The following GHR variants were observed in gnomAD, a reference collection of about 807,000 sequenced individuals.
The protein encoded by GHR is GH receptor.
GHR carries 35 observed loss-of-function variants against 67.1 expected under a neutral mutation model. The ratio of observed to expected loss-of-function variants is 0.52; its 90% CI spans 0.40 to 0.69. The LOEUF (loss-of-function observed/expected upper bound fraction) is 0.69. Among genes scored for constraint, GHR ranks in the 30% least tolerant of loss-of-function variants. The pLI is 0.00. For missense variants in GHR, 792 were observed against 764.6 expected (o/e 1.04, Z -0.42); for synonymous variants, 272 against 269.1 (o/e 1.01, Z -0.10).
Position 42,683,966 on chromosome 5 carries a change from T to C in GHR, c.137-4924T>C, listed in dbSNP as rs149939551. 2.5e-4 allele frequency among the ~76,000 whole-genome samples: 34 copies of C among 135,606 alleles called. 5 individuals carry two copies. Among genetic ancestry groups the C allele is most frequent in the African/African-American group, 1.1e-3 (34 of 31,882 alleles). The allele number at this position is 135,606 out of a possible 152,430, so 89.0% of individuals were successfully genotyped here. On this transcript the variant is annotated intron_variant, in intron 3 of 9. Coordinates refer to ENST00000230882, the MANE Select transcript of GHR (RefSeq NM_000163.5). ...AGATTAGTTATTTTTTCTTTTTAAG[T>C]TTTTTTTTTTGTTTCAGCTGACAAA...
intron 3 of GHR, among the ~76,000 whole-genome samples, chr5:42,652,597 G>A (rs911400989): frequency 2.0e-5 from 3 of 152,072 alleles, no homozygotes; most frequent in Non-Finnish European, 4.4e-5. Context: ...TTCCAGTGTC[G>A]AGACATTCAT....
At chr5:42,679,623 CA>C (rs765140556) in intron 3 of GHR, among the ~76,000 whole-genome samples, 361 of 132,792 alleles carry the variant, frequency 2.7e-3, no homozygotes, top group Admixed American at 2.5e-3. Context: ...GACTGCATCT[CA>C]AAAAAAAAAA....
intron 2 of GHR, among the ~76,000 whole-genome samples, chr5:42,616,655 C>T (rs145233183): frequency 2.8e-5 from 4 of 144,564 alleles, no homozygotes; most frequent in African/African-American, 1.1e-4. Context: ...CCATGAGACT[C>T]GATGAGATTC....
chr5:42,699,697 AT>A, intron 5 of GHR, 126 bp from the exon 6 acceptor site: 2 of 722,114 alleles, frequency 2.8e-6, no homozygotes, highest in South Asian at 3.1e-5. Flanking sequence ...AATAAGAAAA[AT>A]ATTGGAAGAA....
chr5:42,508,158 G>A (rs1281819680), intron 1 of GHR, among the ~76,000 whole-genome samples: 1 of 152,216 alleles, frequency 6.6e-6, no homozygotes, highest in African/African-American at 2.4e-5. Flanking sequence ...TCTGACAGCA[G>A]CCAGGAGAAT....
intron 1 of GHR, among the ~76,000 whole-genome samples, chr5:42,543,919 T>A (rs1489774035): frequency 6.6e-6 from 1 of 152,108 alleles, no homozygotes; most frequent in African/African-American, 2.4e-5. Flanking sequence ...AATTTTTTTT[T>A]TAAAAAAACA....
chr5:42,721,464 T>C lies in GHR; in HGVS notation c.*2040T>C, dbSNP rs938524620. On this transcript the variant is annotated 3_prime_UTR_variant, in exon 10 of 10. Coordinates refer to ENST00000230882, the MANE Select transcript of GHR (RefSeq NM_000163.5). ...CTATGAAAAGCTAGAATTGAGTGTT[T>C]AAAGTTCAACATGTTATTTGTAATA... 6.6e-6 allele frequency: 1 copy of C among 152,540 alleles called. No homozygotes were observed. Among genetic ancestry groups the C allele is most frequent in the South Asian group, 2.1e-4 (1 of 4,824 alleles). The allele number at this position is 152,540 out of a possible 1,614,324, so 9.4% of individuals were successfully genotyped here.
In GHR at chr5:42,599,357, A is replaced by ATTTTT. The variant is rs36037535; in HGVS notation, c.71-29661_71-29657dup. ...GGGCATGTTGTTTGGCCTACAGCAC[A>ATTTTT]TTTTTTTTTTTTTTTTTTTTTTTTG... is the stretch of plus-strand genomic sequence containing the variant. On this transcript the variant is annotated intron_variant, in intron 2 of 9. Transcript: ENST00000230882. Among the ~76,000 whole-genome samples, 41 of 103,916 alleles carry ATTTTT rather than the reference A, an allele frequency of 3.9e-4. 1 individual carries two copies. Among genetic ancestry groups the ATTTTT allele is most frequent in the African/African-American group, 7.3e-4 (18 of 24,718 alleles). 68.2% of individuals were successfully genotyped at this position (103,916 alleles called of 152,430 possible). A position where few individuals can be genotyped will look rare whatever the true frequency, so the allele number is the denominator to read the frequency against.
intron 1 of GHR, among the ~76,000 whole-genome samples, chr5:42,489,576 C>A (rs1746025541): frequency 6.6e-6 from 1 of 152,098 alleles, no homozygotes; most frequent in African/African-American, 2.4e-5. Flanking sequence ...TTTGGAAATG[C>A]AACAACTACA....
At chr5:42,472,029 G>A (rs1203527394) in intron 1 of GHR, among the ~76,000 whole-genome samples, 1 of 152,198 alleles carries the variant, frequency 6.6e-6, no homozygotes, top group African/African-American at 2.4e-5. Flanking sequence ...CCAACATTGT[G>A]CAGAAAGTGA....
intron 3 of GHR, among the ~76,000 whole-genome samples, chr5:42,634,947 T>A (rs1754104473): frequency 6.6e-6 from 1 of 151,734 alleles, no homozygotes; most frequent in Non-Finnish European, 1.5e-5. Context: ...ATAAGGGAAA[T>A]GTGTCCTGGC....
At position 42,721,606 on chromosome 5, in the gene GHR, T is replaced by C. The variant is rs986628586; in HGVS notation, c.*2182T>C. 6.6e-6 allele frequency: 1 copy of C among 152,588 alleles called. No homozygotes were observed. The highest frequency in any genetic ancestry group is 1.5e-5 in the Non-Finnish European group (1 of 68,026). 9.5% of individuals were successfully genotyped at this position (152,588 alleles called of 1,614,324 possible). On this transcript the variant is annotated 3_prime_UTR_variant, in exon 10 of 10. Transcript: ENST00000230882. Reference sequence around the variant, plus strand: ...CCTAATTCAATTCAAAGCTGTGTGTTTGGAAGACTATCTTACTATTTCACA... The same window carrying C: ...CCTAATTCAATTCAAAGCTGTGTGTCTGGAAGACTATCTTACTATTTCACA...
chr5:42,712,631 A>T (rs1283384855), intron 7 of GHR, among the ~76,000 whole-genome samples: 2 of 152,062 alleles, frequency 1.3e-5, no homozygotes, highest in Non-Finnish European at 2.9e-5. Flanking sequence ...GTTAAGGTAA[A>T]TTTCATCTGT....
intron 2 of GHR, among the ~76,000 whole-genome samples, chr5:42,590,636 A>G (rs1751726730): frequency 6.6e-6 from 1 of 152,238 alleles, no homozygotes; most frequent in Non-Finnish European, 1.5e-5. Flanking sequence ...TATTACAACC[A>G]GTTATCCAGT....
At position 42,712,359 on chromosome 5, in the gene GHR, G is replaced by A. The variant is rs79064299; in HGVS notation, c.784+987G>A. On this transcript the variant is annotated intron_variant, in intron 7 of 9. Coordinates refer to ENST00000230882, the MANE Select transcript of GHR (RefSeq NM_000163.5). ...CAATAGCTATACACCCTTAAGCTTA[G>A]TGTAGTGGCATTTAATTCACTTAAC... 7.8e-3 allele frequency among the ~76,000 whole-genome samples: 1,184 copies of A among 151,756 alleles called. 17 individuals carry two copies. Among genetic ancestry groups the A allele is most frequent in the African/African-American group, 0.026 (1,073 of 41,134 alleles).
chr5:42,582,285 C>A (rs1751218651), intron 2 of GHR, among the ~76,000 whole-genome samples: 1 of 152,236 alleles, frequency 6.6e-6, no homozygotes, highest in African/African-American at 2.4e-5. Flanking sequence ...TGTGGCTGAG[C>A]TATCAGTTCC....
At chr5:42,455,038 C>G (rs903677196) in intron 1 of GHR, among the ~76,000 whole-genome samples, 2 of 152,156 alleles carry the variant, frequency 1.3e-5, no homozygotes, top group Non-Finnish European at 2.9e-5. Context: ...TGGGTTTGAG[C>G]TGGAGACTGG....
chr5:42,453,154 C>T (rs1304009025), intron 1 of GHR, among the ~76,000 whole-genome samples: 1 of 151,748 alleles, frequency 6.6e-6, no homozygotes, highest in Non-Finnish European at 1.5e-5. Flanking sequence ...AGACTCTGTA[C>T]GAGATCCTTA....
intron 3 of GHR, among the ~76,000 whole-genome samples, chr5:42,687,726 G>A (rs952061987): frequency 4.6e-5 from 7 of 152,136 alleles, no homozygotes; most frequent in African/African-American, 1.7e-4. Context: ...TTATTTTTAA[G>A]AGATCTTTCA....
Sources: allele counts gnomAD v4.1 joint callset (sites outside exome capture counted in the v4.1 genomes callset), GRCh38; gene constraint gnomAD v4.1.1; transcripts MANE v1.5; gene names NCBI Gene and HGNC (gene_info 2026-07-23, HGNC 2026-07-21).